The following ARID2 variants were observed in gnomAD, a reference collection of about 807,000 sequenced individuals.
The protein encoded by ARID2 is AT-rich interaction domain 2, also known as AT-rich interactive domain-containing protein 2.
In ARID2, 32 loss-of-function variants were observed where a neutral mutation model predicts 184.6. That is an observed-to-expected ratio of 0.17 (90% CI 0.13 to 0.23). ARID2 has a LOEUF of 0.23. Ranked by LOEUF, ARID2 falls within the 10% of genes least tolerant of loss-of-function variation. The probability of loss-of-function intolerance (pLI) is 1.00; values close to 1 mark genes in which losing one functional copy is unlikely to be tolerated. For missense variants in ARID2, 1,696 were observed against 2,197.6 expected (o/e 0.77, Z 4.56); for synonymous variants, 836 against 772.6 (o/e 1.08, Z -1.36).
intron 15 of ARID2, among the ~76,000 whole-genome samples, chr12:45,859,461 C>T (rs767872622): frequency 2.0e-5 from 3 of 152,152 alleles, no homozygotes; most frequent in African/African-American, 4.8e-5. Flanking sequence ...AAGTGATGCA[C>T]GACTGCATTA....
chr12:45,861,460 T>A (rs1943745530), intron 16 of ARID2, among the ~76,000 whole-genome samples: 1 of 152,172 alleles, frequency 6.6e-6, no homozygotes, highest in East Asian at 1.9e-4. Flanking sequence ...TTTCTTAGAC[T>A]TGAAGGAAAA....
In ARID2 at chr12:45,892,066, G is replaced by A. The variant is rs2138233275; in HGVS notation, c.5117G>A (p.Gly1706Glu). 6.2e-7 allele frequency: 1 copy of A among 1,614,046 alleles called. No homozygotes were observed. Among genetic ancestry groups the A allele is most frequent in the Non-Finnish European group, 8.5e-7 (1 of 1,179,976 alleles). ...LLAGLKQDEP[G>E]QAGSQKSSTK... ...GCAGGATTAAAACAAGATGAACCAG[G>A]ACAAGCAGGAAGTCAGAAGTCTTCT... Residue 1706 changes from glycine (G) to glutamate (E), a missense_variant, in exon 18 of 21, where the codon GGA becomes GAA. This residue lies in a region of ARID2 where 58 missense variants were observed against 47.1 expected (regional missense o/e 1.23). Transcript: ENST00000334344.
chr12:45,865,030 G>T lies in ARID2; in HGVS notation c.4922+4081G>T, dbSNP rs1337475558. The stretch of plus-strand genomic sequence containing the variant: ...ATTTGAGATATTTCAGTCAATTGAG[G>T]TTATGTATCCTTCTTGGTATACAAA... On this transcript the variant is annotated intron_variant, in intron 16 of 20. Coordinates refer to ENST00000334344, the MANE Select transcript of ARID2 (RefSeq NM_152641.4). Among the ~76,000 whole-genome samples the T allele has an allele frequency of 3.3e-5, 5 of 152,254 alleles. No individual in the cohort carries two copies. The East Asian group carries it at 9.6e-4, about 29-fold the overall frequency.
intron 6 of ARID2, among the ~76,000 whole-genome samples, chr12:45,826,721 T>C (rs1030051250): frequency 2.1e-4 from 32 of 152,112 alleles, no homozygotes; most frequent in African/African-American, 7.7e-4. Flanking sequence ...GTCTGCTCCC[T>C]TATAGAAGTA....
In ARID2 at chr12:45,842,481, G is replaced by A. The variant is rs575906607; in HGVS notation, c.1498+2985G>A. The stretch of plus-strand genomic sequence containing the variant: ...TTATAAATAATTATTAAACAAGGCC[G>A]GGCACAGTGGCTCATGCCTATAATC... On this transcript the variant is annotated intron_variant, in intron 11 of 20. Coordinates refer to ENST00000334344, the MANE Select transcript of ARID2 (RefSeq NM_152641.4). Among the ~76,000 whole-genome samples, 69 of 150,418 alleles carry A rather than the reference G, an allele frequency of 4.6e-4. No homozygotes were observed. The South Asian group carries it at 4.9e-3, about 11-fold the overall frequency.
intron 15 of ARID2, among the ~76,000 whole-genome samples, chr12:45,855,434 A>G (rs551256221): frequency 1.3e-5 from 2 of 152,334 alleles, no homozygotes; most frequent in East Asian, 3.9e-4. Context: ...TGTAGCGTAC[A>G]TGATGTCTAT....
chr12:45,760,115 T>C (rs541892228), intron 3 of ARID2, among the ~76,000 whole-genome samples: 1 of 152,256 alleles, frequency 6.6e-6, no homozygotes, highest in Admixed American at 6.5e-5. Flanking sequence ...ATAATCAGAA[T>C]TTTTTCTTTA....
chr12:45,857,206 G>A (rs1010876101), intron 15 of ARID2, among the ~76,000 whole-genome samples: 3 of 151,930 alleles, frequency 2.0e-5, no homozygotes, highest in African/African-American at 4.8e-5. Flanking sequence ...CATATGCCTC[G>A]CCTCAATTCA....
At chr12:45,732,936 C>T (rs1009916802) in intron 3 of ARID2, among the ~76,000 whole-genome samples, 1 of 151,712 alleles carries the variant, frequency 6.6e-6, no homozygotes, top group African/African-American at 2.4e-5. Context: ...ATTGTTTTTC[C>T]AGTTGTCATT....
chr12:45,811,129 A>AT (rs974463677), intron 3 of ARID2, among the ~76,000 whole-genome samples: 3 of 151,370 alleles, frequency 2.0e-5, no homozygotes, highest in Non-Finnish European at 4.4e-5. Flanking sequence ...GAATGGCGTG[A>AT]TCCCTGGAGG....
chr12:45,878,487 CT>C (rs1160491258), intron 16 of ARID2, among the ~76,000 whole-genome samples: 11 of 152,140 alleles, frequency 7.2e-5, no homozygotes, highest in African/African-American at 2.7e-4. Flanking sequence ...TTCAAGTCCA[CT>C]GATTCTTTCC....
At chr12:45,755,697 A>T (rs1941555488) in intron 3 of ARID2, among the ~76,000 whole-genome samples, 1 of 152,158 alleles carries the variant, frequency 6.6e-6, no homozygotes, top group Non-Finnish European at 1.5e-5. Flanking sequence ...GCTGGAAGGA[A>T]CTTTTTACAA....
intron 16 of ARID2, among the ~76,000 whole-genome samples, chr12:45,866,055 G>A (rs1943827458): frequency 6.6e-6 from 1 of 151,658 alleles, no homozygotes; most frequent in Non-Finnish European, 1.5e-5. Context: ...ATACTATATT[G>A]TACATGAAAA....
At chr12:45,808,210 G>A (rs985138129) in intron 3 of ARID2, among the ~76,000 whole-genome samples, 1 of 152,182 alleles carries the variant, frequency 6.6e-6, no homozygotes, top group African/African-American at 2.4e-5. Flanking sequence ...CAGAACACTT[G>A]CACTTTGAAA....
chr12:45,838,815 C>T (rs866744277), intron 10 of ARID2, among the ~76,000 whole-genome samples: 1 of 151,644 alleles, frequency 6.6e-6, no homozygotes, highest in Admixed American at 6.6e-5. Flanking sequence ...ATATCCAGCT[C>T]CCACTCCAGA....
chr12:45,846,179 A>G (rs1943435843), intron 11 of ARID2: 1 of 152,136 alleles, frequency 6.6e-6, no homozygotes, highest in African/African-American at 2.4e-5. Flanking sequence ...TTTGTATACA[A>G]CCAGGTTGCC....
At chr12:45,808,702 C>T (rs909212769) in intron 3 of ARID2, among the ~76,000 whole-genome samples, 47 of 151,798 alleles carry the variant, frequency 3.1e-4, no homozygotes, top group African/African-American at 1.1e-3. Flanking sequence ...GTTGCTTTCT[C>T]TCCCGGCCGT....
intron 3 of ARID2, among the ~76,000 whole-genome samples, chr12:45,740,374 C>G (rs1245542423): frequency 6.6e-6 from 1 of 151,908 alleles, no homozygotes; most frequent in Non-Finnish European, 1.5e-5. Flanking sequence ...AATTGTTTTG[C>G]CACATTTGGT....
At chr12:45,884,793 A>G (rs749837036) in intron 16 of ARID2, among the ~76,000 whole-genome samples, 1 of 152,138 alleles carries the variant, frequency 6.6e-6, no homozygotes, top group African/African-American at 2.4e-5. Context: ...GGCAGGGCCC[A>G]TCTTTGTACA....
Sources: gnomAD v4.1 joint callset for allele counts (sites outside exome capture counted in the v4.1 genomes callset) on GRCh38, gnomAD v4.1.1 for gene constraint, gnomAD v4.1.1 regional missense constraint, MANE v1.5 for transcripts, NCBI Gene and HGNC (gene_info 2026-07-23, HGNC 2026-07-21) for gene names.